Variants in FHOD3 observed in about 807,000 individuals in gnomAD.
The protein encoded by FHOD3 is FH1/FH2 domain-containing protein 3.
In FHOD3, 90 loss-of-function variants were observed where a neutral mutation model predicts 173.0. The ratio of observed to expected loss-of-function variants is 0.52; its 90% CI spans 0.44 to 0.62. The LOEUF (loss-of-function observed/expected upper bound fraction) is 0.62, where lower values mean the gene tolerates loss of function less well. FHOD3 is among the 20% of genes least tolerant of loss of function. The pLI is 0.00. For synonymous variants in FHOD3, 828 were observed against 823.0 expected, an observed-to-expected ratio of 1.01 and a Z score of -0.10; for missense variants, 1,945 against 2,034.7, an observed-to-expected ratio of 0.96 and a Z score of 0.85.
At chr18:36,639,483 AC>A (rs1473042973) in intron 10 of FHOD3, among the ~76,000 whole-genome samples, 1 of 151,864 alleles carries the variant, frequency 6.6e-6, no homozygotes, top group Non-Finnish European at 1.5e-5. Context: ...CCATGGTGAA[AC>A]CCCGTCTCTA....
chr18:36,394,530 A>C (rs2048455465), intron 3 of FHOD3, among the ~76,000 whole-genome samples: 1 of 152,302 alleles, frequency 6.6e-6, no homozygotes, highest in Non-Finnish European at 1.5e-5. Context: ...CTGTGAACTT[A>C]CAGATCTAAG....
At chr18:36,392,868 A>G (rs1355968331) in intron 3 of FHOD3, among the ~76,000 whole-genome samples, 1 of 152,252 alleles carries the variant, frequency 6.6e-6, no homozygotes, top group Non-Finnish European at 1.5e-5. Context: ...TGGTACTTAC[A>G]TATCATTTGC....
At chr18:36,491,326 C>G (rs916502217) in intron 3 of FHOD3, among the ~76,000 whole-genome samples, 7 of 152,104 alleles carry the variant, frequency 4.6e-5, no homozygotes, top group Non-Finnish European at 8.8e-5. Flanking sequence ...CCATATACCC[C>G]CTCAACCTTC....
At chr18:36,572,040 A>G (rs2058470724) in intron 5 of FHOD3, among the ~76,000 whole-genome samples, 1 of 152,178 alleles carries the variant, frequency 6.6e-6, no homozygotes, top group Non-Finnish European at 1.5e-5. Context: ...GCTTCTGTTC[A>G]TTGGAGGCAC....
chr18:36,725,779 A>G lies in FHOD3; in HGVS notation c.3418-4867A>G, dbSNP rs939613129. Among the ~76,000 whole-genome samples, 5 of 152,316 alleles carry G rather than the reference A, an allele frequency of 3.3e-5. No homozygotes were observed. In the East Asian group the frequency reaches 5.8e-4, roughly 18 times the overall value. On this transcript the variant is annotated intron_variant, in intron 19 of 28. Transcript: ENST00000590592. ...GCTTAAAGTTAGTTTTTCTGATTCCATATTAAAAATGGATCTTTTTATGTT... is the reference window on the plus strand; with the variant it reads ...GCTTAAAGTTAGTTTTTCTGATTCCGTATTAAAAATGGATCTTTTTATGTT...
chr18:36,341,604 G>A (rs2045625601), intron 1 of FHOD3, among the ~76,000 whole-genome samples: 1 of 152,044 alleles, frequency 6.6e-6, no homozygotes, highest in Admixed American at 6.6e-5. Flanking sequence ...ATGGAGATGG[G>A]GTCTTACCAA....
At chr18:36,498,113 A>G (rs1240159743) in intron 3 of FHOD3, among the ~76,000 whole-genome samples, 2 of 152,194 alleles carry the variant, frequency 1.3e-5, no homozygotes, top group African/African-American at 4.8e-5. Context: ...AAAAATCACA[A>G]GGTTAAGTTA....
chr18:36,504,949 G>A (rs939042401), intron 4 of FHOD3, among the ~76,000 whole-genome samples: 1 of 152,052 alleles, frequency 6.6e-6, no homozygotes, highest in Non-Finnish European at 1.5e-5. Flanking sequence ...CACAACACAC[G>A]ATTTATTTAG....
At chr18:36,607,402 G>A (rs62083975) in intron 8 of FHOD3, among the ~76,000 whole-genome samples, 6 of 152,304 alleles carry the variant, frequency 3.9e-5, no homozygotes, top group East Asian at 1.9e-4. Flanking sequence ...CTGAGGTACC[G>A]CTGGTGCCTG....
intron 9 of FHOD3, among the ~76,000 whole-genome samples, chr18:36,614,303 G>T (rs1291416338): frequency 2.0e-5 from 3 of 152,130 alleles, no homozygotes; most frequent in Admixed American, 6.5e-5. Context: ...TGTTTTCAAG[G>T]TTCACCTACG....
At chr18:36,409,989 C>T (rs1183600892) in intron 3 of FHOD3, among the ~76,000 whole-genome samples, 3 of 152,204 alleles carry the variant, frequency 2.0e-5, no homozygotes, top group Non-Finnish European at 4.4e-5. Flanking sequence ...GTGAACCTCC[C>T]GGAAGTAGAA....
At chr18:36,306,005 G>T (rs1463862327) in intron 1 of FHOD3, among the ~76,000 whole-genome samples, 1 of 152,200 alleles carries the variant, frequency 6.6e-6, no homozygotes, top group African/African-American at 2.4e-5. Flanking sequence ...TCCTCTGTCT[G>T]TAGTGTGATT....
intron 1 of FHOD3, among the ~76,000 whole-genome samples, chr18:36,344,780 A>G (rs368608979): frequency 3.8e-4 from 58 of 152,274 alleles, no homozygotes; most frequent in African/African-American, 1.3e-3. Flanking sequence ...ACTATATTCC[A>G]CTTATAAGAG....
At chr18:36,305,614 A>G (rs1201625106) in intron 1 of FHOD3, among the ~76,000 whole-genome samples, 1 of 152,182 alleles carries the variant, frequency 6.6e-6, no homozygotes, top group Non-Finnish European at 1.5e-5. Context: ...ATAGAAGATA[A>G]CCAAGGCATC....
rs1275341139 is a variant in FHOD3, at chr18:36,596,373, CAG to C, written c.718+1476_718+1477del. 2.2e-3 allele frequency among the ~76,000 whole-genome samples: 247 copies of C among 114,474 alleles called. 1 individual carries two copies. The highest frequency in any genetic ancestry group is 8.1e-3 in the African/African-American group (236 of 29,112). The allele number at this position is 114,474 out of a possible 152,430, so 75.1% of individuals were successfully genotyped here. On this transcript the variant is annotated intron_variant, in intron 7 of 28. Transcript: ENST00000590592. The stretch of plus-strand genomic sequence containing the variant: ...TTTTTTTTAGTATTTTTAGTAGAGA[CAG>C]GGTATCACCGTGTTAGCCAGCACGG...
At chr18:36,679,248 T>C (rs2038075206) in intron 14 of FHOD3, among the ~76,000 whole-genome samples, 1 of 152,164 alleles carries the variant, frequency 6.6e-6, no homozygotes, top group Non-Finnish European at 1.5e-5. Context: ...ACTATATCTA[T>C]AATTGTATTT....
intron 20 of FHOD3, among the ~76,000 whole-genome samples, chr18:36,737,774 T>C: frequency 6.6e-6 from 1 of 152,248 alleles, no homozygotes; most frequent in East Asian, 1.9e-4. Context: ...TGCACACTTG[T>C]GTAAATATCT....
intron 3 of FHOD3, among the ~76,000 whole-genome samples, chr18:36,488,961 T>G (rs1003960079): frequency 2.0e-5 from 3 of 151,944 alleles, no homozygotes; most frequent in African/African-American, 7.3e-5. Context: ...GGGTGGCAGG[T>G]TCTTTGAGCT....
At chr18:36,657,471 A>C (rs2036501021) in intron 13 of FHOD3, among the ~76,000 whole-genome samples, 1 of 152,226 alleles carries the variant, frequency 6.6e-6, no homozygotes, top group Admixed American at 6.5e-5. Context: ...TGTAAACCTC[A>C]TGGCTGTAAT....
Sources: gnomAD v4.1 joint callset for allele counts (sites outside exome capture counted in the v4.1 genomes callset) on GRCh38, gnomAD v4.1.1 for gene constraint, MANE v1.5 for transcripts, NCBI Gene and HGNC (gene_info 2026-07-23, HGNC 2026-07-21) for gene names.